Variants in FOLH1 observed in about 807,000 individuals in gnomAD.
The protein encoded by FOLH1 is folate hydrolase 1.
In FOLH1, 54 loss-of-function variants were observed where a neutral mutation model predicts 93.9. The ratio of observed to expected loss-of-function variants is 0.57; its 90% CI spans 0.46 to 0.72. FOLH1 has a LOEUF of 0.72. FOLH1 is among the 30% of genes least tolerant of loss of function. FOLH1 has a pLI of 0.00. For synonymous variants in FOLH1, 249 were observed against 303.6 expected, an observed-to-expected ratio of 0.82 and a Z score of 1.87; for missense variants, 571 against 892.5, an observed-to-expected ratio of 0.64 and a Z score of 4.59.
At chr11:49,147,302 C>T (rs1370202474) in intron 18 of FOLH1, among the ~76,000 whole-genome samples, 2 of 152,044 alleles carry the variant, frequency 1.3e-5, no homozygotes, top group African/African-American at 4.8e-5. Context: ...AAACTGAGGT[C>T]TGAGAGATCA....
At chr11:49,199,621 T>G (rs1863051644) in intron 3 of FOLH1, among the ~76,000 whole-genome samples, 1 of 152,132 alleles carries the variant, frequency 6.6e-6, no homozygotes, top group African/African-American at 2.4e-5. Context: ...ATCAAAAATG[T>G]ATCTCCTGGC....
intron 7 of FOLH1, among the ~76,000 whole-genome samples, chr11:49,180,065 A>G (rs1860541291): frequency 6.6e-6 from 1 of 152,236 alleles, no homozygotes; most frequent in South Asian, 2.1e-4. Context: ...TGCTTGCGTC[A>G]TTGAGTAGAG....
At chr11:49,153,292 G>T (rs544145705) in intron 17 of FOLH1, among the ~76,000 whole-genome samples, 1 of 151,332 alleles carries the variant, frequency 6.6e-6, no homozygotes, top group South Asian at 2.1e-4. Context: ...CACAATATTT[G>T]CTATTCTGGA....
intron 15 of FOLH1, among the ~76,000 whole-genome samples, chr11:49,155,795 CATATATAT>C (rs10526900): frequency 0.023 from 1,191 of 52,072 alleles, 37 homozygotes; most frequent in Middle Eastern, 0.069. Flanking sequence ...AAATGAAAAC[CATATATAT>C]ATATATATAT....
Position 49,173,575 on chromosome 11 carries a change from C to CAAA in FOLH1, c.1106-100_1106-99insTTT, listed in dbSNP as rs146564769. 7.5e-4 allele frequency: 490 copies of CAAA among 656,780 alleles called. 6 individuals carry two copies. Among genetic ancestry groups the CAAA allele is most frequent in the Non-Finnish European group, 8.1e-4 (425 of 523,172 alleles). 40.7% of individuals were successfully genotyped at this position (656,780 alleles called of 1,614,324 possible). A position where few individuals can be genotyped will look rare whatever the true frequency, so the allele number is the denominator to read the frequency against. On this transcript the variant is annotated intron_variant, in intron 9 of 18. Coordinates refer to ENST00000256999, the MANE Select transcript of FOLH1 (RefSeq NM_004476.3). ...ATCTAAATACAAAGCACTCACGCCT[C>CAAA]AGAAAAAAAAAAAAGGCTAGGTTCC... is the stretch of plus-strand genomic sequence containing the variant.
intron 7 of FOLH1, among the ~76,000 whole-genome samples, chr11:49,181,292 C>T (rs763623152): frequency 9.2e-5 from 14 of 151,430 alleles, no homozygotes; most frequent in East Asian, 1.9e-4. Flanking sequence ...ATTTTTAGTA[C>T]GGACGGGGTT....
intron 3 of FOLH1, among the ~76,000 whole-genome samples, chr11:49,195,324 A>G (rs922385855): frequency 6.6e-6 from 1 of 152,184 alleles, no homozygotes; most frequent in African/African-American, 2.4e-5. Context: ...AGGATCAAAG[A>G]AGAAAATACA....
At chr11:49,157,509 G>A (rs1308259483) in intron 14 of FOLH1, among the ~76,000 whole-genome samples, 4 of 151,892 alleles carry the variant, frequency 2.6e-5, no homozygotes, top group African/African-American at 9.7e-5. Context: ...AAAAAATGCT[G>A]CAAAATCCAA....
At chr11:49,193,381 TA>T (rs1309244182) in intron 3 of FOLH1, among the ~76,000 whole-genome samples, 1 of 152,202 alleles carries the variant, frequency 6.6e-6, no homozygotes, top group Non-Finnish European at 1.5e-5. Flanking sequence ...AGAAGTAAAT[TA>T]ACCTCATGAA....
At chr11:49,208,012 A>G (rs1864168274) in intron 1 of FOLH1, 2 of 656,672 alleles carry the variant, frequency 3.0e-6, no homozygotes, top group East Asian at 2.9e-5. Flanking sequence ...GCAGGGCTCC[A>G]GCACTTGGAA....
intron 6 of FOLH1, 151 bp downstream of exon 6, chr11:49,185,518 A>G (rs986972828): frequency 2.5e-5 from 26 of 1,037,194 alleles, no homozygotes; most frequent in Non-Finnish European, 3.4e-5. Context: ...AGGGGCCTGA[A>G]CCAATCACTT....
chr11:49,183,128 C>A, intron 7 of FOLH1, 21 bp downstream of exon 7: 1 of 1,568,888 alleles, frequency 6.4e-7, no homozygotes, highest in African/African-American at 1.4e-5. Flanking sequence ...AATAGCCATC[C>A]ATGGTTTCTT....
At chr11:49,154,012 T>C in intron 16 of FOLH1, 85 bp from the exon 17 acceptor site, 2 of 1,331,846 alleles carry the variant, frequency 1.5e-6, no homozygotes, top group Non-Finnish European at 2.1e-6. Flanking sequence ...AGGAACAATA[T>C]AGAAGCCATC....
intron 6 of FOLH1, among the ~76,000 whole-genome samples, 166 bp from the exon 7 acceptor site, chr11:49,183,408 A>G (rs1202152799): frequency 6.6e-6 from 1 of 152,210 alleles, no homozygotes; most frequent in Non-Finnish European, 1.5e-5. Context: ...TGAAATCCTC[A>G]TACATTGCTT....
At chr11:49,187,576 G>C (rs397834829) in intron 4 of FOLH1, among the ~76,000 whole-genome samples, 1 of 151,994 alleles carries the variant, frequency 6.6e-6, no homozygotes, top group Non-Finnish European at 1.5e-5. Flanking sequence ...TGAACATGCT[G>C]TTCTTTACAG....
chr11:49,185,281 GTC>G (rs745936288), intron 6 of FOLH1, among the ~76,000 whole-genome samples: 60 of 152,236 alleles, frequency 3.9e-4, no homozygotes, highest in Non-Finnish European at 5.1e-4. Flanking sequence ...GTAGACATAA[GTC>G]TGTTTATATT....
chr11:49,149,747 CAGTTA>C (rs1856266282), intron 17 of FOLH1, among the ~76,000 whole-genome samples: 1 of 152,014 alleles, frequency 6.6e-6, no homozygotes, highest in Non-Finnish European at 1.5e-5. Context: ...TGAATTTTCT[CAGTTA>C]AAATACTTTT....
chr11:49,168,574 A>G (rs1858751796), intron 12 of FOLH1, among the ~76,000 whole-genome samples: 1 of 152,114 alleles, frequency 6.6e-6, no homozygotes, highest in African/African-American at 2.4e-5. Context: ...GTACCTGCAT[A>G]CATTATAATT....
intron 12 of FOLH1, among the ~76,000 whole-genome samples, chr11:49,167,046 CA>C (rs76160864): frequency 6.7e-6 from 1 of 149,726 alleles, no homozygotes; most frequent in African/African-American, 2.5e-5. Flanking sequence ...ACAACAACAA[CA>C]AAAAAAAACA....
Sources: gnomAD v4.1 joint callset for allele counts (sites outside exome capture counted in the v4.1 genomes callset) on GRCh38, gnomAD v4.1.1 for gene constraint, MANE v1.5 for transcripts, NCBI Gene and HGNC (gene_info 2026-07-23, HGNC 2026-07-21) for gene names.